The following LIN28B variants were observed in gnomAD, a reference collection of about 807,000 sequenced individuals.
The protein encoded by LIN28B is lin-28 RNA binding posttranscriptional regulator B, also known as protein lin-28 homolog B.
A neutral mutation model predicts 21.9 loss-of-function variants in LIN28B; 5 were observed. The ratio of observed to expected loss-of-function variants is 0.23; its 90% CI spans 0.12 to 0.48. The LOEUF is 0.48. Among genes scored for constraint, LIN28B ranks in the 20% least tolerant of loss-of-function variants. The probability of loss-of-function intolerance (pLI) is 0.98; values close to 1 mark genes in which losing one functional copy is unlikely to be tolerated. For missense variants in LIN28B, 245 were observed against 310.5 expected, an observed-to-expected ratio of 0.79 and a Z score of 1.58; for synonymous variants, 109 against 111.3, an observed-to-expected ratio of 0.98 and a Z score of 0.13.
chr6:105,053,097 T>C (rs1771941145), intron 3 of LIN28B, among the ~76,000 whole-genome samples: 1 of 152,160 alleles, frequency 6.6e-6, no homozygotes, highest in African/African-American at 2.4e-5. Context: ...TGATTTCTTC[T>C]TTGATCTAAG....
chr6:104,991,416 G>C lies in LIN28B; in HGVS notation c.198+33130G>C, dbSNP rs1405913470. On this transcript the variant is annotated intron_variant, in intron 2 of 3. Coordinates refer to ENST00000345080, the MANE Select transcript of LIN28B (RefSeq NM_001004317.4). ...GAGGCGCTCCTCACATCCCAGACGG[G>C]GCGGCGGGGCAGAGGTGATCCCCAC... is the stretch of plus-strand genomic sequence containing the variant. Among the ~76,000 whole-genome samples, 4 of 151,318 alleles carry C rather than the reference G, an allele frequency of 2.6e-5. No individual in the cohort carries two copies. In the East Asian group the frequency reaches 5.9e-4, roughly 22 times the overall value.
chr6:104,979,107 A>T (rs1770164802), intron 2 of LIN28B, among the ~76,000 whole-genome samples: 1 of 152,164 alleles, frequency 6.6e-6, no homozygotes, highest in African/African-American at 2.4e-5. Context: ...TTTTGTTTTT[A>T]GGGTGTTATA....
chr6:105,058,163 G>A (rs947296201), intron 3 of LIN28B: 2 of 297,822 alleles, frequency 6.7e-6, no homozygotes, highest in South Asian at 5.6e-5. Context: ...TACCAACTGG[G>A]AACCATTTAA....
At chr6:105,050,815 G>A (rs1170455120) in intron 3 of LIN28B, among the ~76,000 whole-genome samples, 1 of 151,124 alleles carries the variant, frequency 6.6e-6, no homozygotes, top group Non-Finnish European at 1.5e-5. Flanking sequence ...TTTAGACAGA[G>A]ATCACCAAAA....
At chr6:105,011,137 G>C (rs906092717) in intron 2 of LIN28B, among the ~76,000 whole-genome samples, 1 of 152,132 alleles carries the variant, frequency 6.6e-6, no homozygotes, top group Admixed American at 6.6e-5. Flanking sequence ...GAAAGGGCCA[G>C]TATGCTTACT....
At chr6:104,940,329 T>A (rs1282200830) in intron 2 of LIN28B, 3 of 157,142 alleles carry the variant, frequency 1.9e-5, no homozygotes, top group Non-Finnish European at 4.4e-5. Context: ...CCCGCCTCCC[T>A]CCAGTCGCAC....
chr6:104,951,354 A>C (rs2114553995), intron 3 of LIN28B, among the ~76,000 whole-genome samples: 1 of 152,262 alleles, frequency 6.6e-6, no homozygotes, highest in Non-Finnish European at 1.5e-5. Flanking sequence ...AGGATCAAAA[A>C]GTTGGATGAG....
At chr6:104,951,398 C>CT (rs984913145) in intron 3 of LIN28B, among the ~76,000 whole-genome samples, 19 of 150,798 alleles carry the variant, frequency 1.3e-4, no homozygotes, top group South Asian at 6.3e-4. Flanking sequence ...TGAGAAACTG[C>CT]TTTTTTTTTG....
At chr6:105,012,717 A>G (rs1208674940) in intron 2 of LIN28B, among the ~76,000 whole-genome samples, 1 of 151,226 alleles carries the variant, frequency 6.6e-6, no homozygotes, top group Non-Finnish European at 1.5e-5. Flanking sequence ...CTGTTCTATC[A>G]TTGAAGGATA....
In LIN28B at chr6:105,017,137, T is replaced by C. The variant is rs190884726; in HGVS notation, c.199-9161T>C. On this transcript the variant is annotated intron_variant, in intron 2 of 3. Coordinates refer to ENST00000345080, the MANE Select transcript of LIN28B (RefSeq NM_001004317.4). ...TATAATGTAGTATCATGTGTTATAATGGTGATATATACCATACATAATTGG... is the reference window on the plus strand; with the variant it reads ...TATAATGTAGTATCATGTGTTATAACGGTGATATATACCATACATAATTGG... Among the ~76,000 whole-genome samples, 132 of 151,070 alleles carry C rather than the reference T, an allele frequency of 8.7e-4. 1 individual carries two copies. The highest frequency in any genetic ancestry group is 1.9e-3 in the South Asian group (9 of 4,754).
intron 2 of LIN28B, among the ~76,000 whole-genome samples, chr6:104,958,698 A>G (rs1389012842): frequency 1.3e-5 from 2 of 152,196 alleles, no homozygotes; most frequent in Non-Finnish European, 2.9e-5. Context: ...AAAGAAATGT[A>G]TAGATTGCCT....
intron 2 of LIN28B, among the ~76,000 whole-genome samples, chr6:104,994,400 C>CT (rs1770558027): frequency 6.6e-6 from 1 of 152,216 alleles, no homozygotes; most frequent in Admixed American, 6.5e-5. Flanking sequence ...AGTTATTTAA[C>CT]TTATCCATTC....
At chr6:104,958,362 G>A in intron 2 of LIN28B, 76 bp downstream of exon 2, 2 of 1,167,074 alleles carry the variant, frequency 1.7e-6, no homozygotes, top group Non-Finnish European at 2.4e-6. Flanking sequence ...GCCAATAGAC[G>A]TACGATAAGA....
chr6:104,989,870 C>T (rs1198341170), intron 2 of LIN28B, among the ~76,000 whole-genome samples: 16 of 152,092 alleles, frequency 1.1e-4, no homozygotes, highest in Non-Finnish European at 4.4e-5. Context: ...AGGATTACTA[C>T]AAGCATGAGC....
intron 2 of LIN28B, chr6:104,941,336 C>G (rs1257955794): frequency 6.6e-6 from 1 of 152,008 alleles, no homozygotes; most frequent in African/African-American, 2.4e-5. Context: ...TTTCTCTCCC[C>G]GCTCGGTGCT....
intron 2 of LIN28B, among the ~76,000 whole-genome samples, chr6:104,995,739 A>G (rs886087260): frequency 6.6e-6 from 1 of 152,174 alleles, no homozygotes; most frequent in African/African-American, 2.4e-5. Context: ...AGGCAAATAT[A>G]TATGTGCGTT....
At chr6:105,031,363 C>T (rs1771419369) in intron 3 of LIN28B, among the ~76,000 whole-genome samples, 1 of 151,866 alleles carries the variant, frequency 6.6e-6, no homozygotes, top group South Asian at 2.1e-4. Context: ...TTATGGCCTA[C>T]AAAATGTTTA....
At chr6:105,047,880 CTT>C (rs1285186569) in intron 3 of LIN28B, among the ~76,000 whole-genome samples, 1 of 152,186 alleles carries the variant, frequency 6.6e-6, no homozygotes, top group Admixed American at 6.5e-5. Context: ...TATCCTGAGA[CTT>C]TGCCAAATTT....
At chr6:105,033,247 G>C (rs1317887789) in intron 3 of LIN28B, among the ~76,000 whole-genome samples, 1 of 151,878 alleles carries the variant, frequency 6.6e-6, no homozygotes, top group African/African-American at 2.4e-5. Flanking sequence ...GTCATTTTTG[G>C]TTAAAAATTG....
Sources: allele counts gnomAD v4.1 joint callset (sites outside exome capture counted in the v4.1 genomes callset), GRCh38; gene constraint gnomAD v4.1.1; transcripts MANE v1.5; gene names NCBI Gene and HGNC (gene_info 2026-07-23, HGNC 2026-07-21).